Variants in ZNF169 observed in about 807,000 individuals in gnomAD.
ZNF169 encodes the protein zinc finger protein 169.
Under a neutral mutation model 12.0 loss-of-function variants are expected in ZNF169, and 11 were observed. The ratio of observed to expected loss-of-function variants is 0.92; its 90% CI spans 0.58 to 1.52. ZNF169 has a LOEUF of 1.52. Ranked by LOEUF, ZNF169 falls within the 40% of genes most tolerant of loss-of-function variation. ZNF169 has a pLI of 0.00. For missense variants in ZNF169, 722 were observed against 744.0 expected, an observed-to-expected ratio of 0.97 and a Z score of 0.34; for synonymous variants, 302 against 286.5, an observed-to-expected ratio of 1.05 and a Z score of -0.55.
intron 1 of ZNF169, among the ~76,000 whole-genome samples, chr9:94,274,801 G>T (rs1198216578): frequency 6.6e-6 from 1 of 152,190 alleles, no homozygotes; most frequent in Non-Finnish European, 1.5e-5. Context: ...GTTTGGTTCA[G>T]AAAGGGCAAA....
At chr9:94,286,705 G>A (rs1830725142) in intron 2 of ZNF169, among the ~76,000 whole-genome samples, 1 of 152,168 alleles carries the variant, frequency 6.6e-6, no homozygotes, top group Non-Finnish European at 1.5e-5. Context: ...TCTGAGTGTT[G>A]TCATCATGTG....
chr9:94,293,397 C>G (rs1165179030), intron 4 of ZNF169: 1 of 598,950 alleles, frequency 1.7e-6, no homozygotes, highest in Admixed American at 3.0e-5. Context: ...AGACTAAGTC[C>G]CTGCCCCTGG....
At chr9:94,293,357 C>T (rs1830887328) in intron 4 of ZNF169, 1 of 596,634 alleles carries the variant, frequency 1.7e-6, no homozygotes, top group Non-Finnish European at 3.0e-6. Context: ...ATGTGGTTGG[C>T]ATGATCTTCA....
chr9:94,280,764 A>G (rs1048372162), intron 2 of ZNF169, among the ~76,000 whole-genome samples: 1 of 152,060 alleles, frequency 6.6e-6, no homozygotes, highest in Non-Finnish European at 1.5e-5. Flanking sequence ...CCAGTTGGCT[A>G]TTTTAAAGAG....
chr9:94,273,393 A>C (rs1487265803), intron 1 of ZNF169, among the ~76,000 whole-genome samples: 2 of 150,866 alleles, frequency 1.3e-5, no homozygotes, highest in African/African-American at 4.9e-5. Context: ...ACACCCTTTG[A>C]CTTTTTAATT....
chr9:94,279,487 G>A (rs796304664), intron 2 of ZNF169, among the ~76,000 whole-genome samples: 18 of 151,558 alleles, frequency 1.2e-4, no homozygotes, highest in African/African-American at 3.9e-4. Context: ...AGACTGCTGT[G>A]AAAATGGCGC....
At chr9:94,265,697 G>A (rs1830280134) in intron 1 of ZNF169, among the ~76,000 whole-genome samples, 1 of 152,002 alleles carries the variant, frequency 6.6e-6, no homozygotes, top group Admixed American at 6.5e-5. Flanking sequence ...CTATAACTAA[G>A]GTCTGAGTCC....
At chr9:94,272,316 A>G (rs1042700859) in intron 1 of ZNF169, among the ~76,000 whole-genome samples, 1 of 152,128 alleles carries the variant, frequency 6.6e-6, no homozygotes, top group Non-Finnish European at 1.5e-5. Flanking sequence ...ACCACGTAAC[A>G]TATATTTATC....
At chr9:94,259,865 G>A (rs145662986) in intron 1 of ZNF169, among the ~76,000 whole-genome samples, 25 of 151,908 alleles carry the variant, frequency 1.6e-4, no homozygotes, top group Non-Finnish European at 2.7e-4. Flanking sequence ...GGCATCAGTC[G>A]GGTTGTTTAT....
chr9:94,273,579 C>CTTTTTTTTTT (rs56165942), intron 1 of ZNF169, among the ~76,000 whole-genome samples: 4 of 119,168 alleles, frequency 3.4e-5, no homozygotes, highest in African/African-American at 6.3e-5. Flanking sequence ...TTCTTTCTTT[C>CTTTTTTTTTT]TTTTTTTTTT....
intron 1 of ZNF169, among the ~76,000 whole-genome samples, chr9:94,265,026 T>G (rs1371938197): frequency 6.8e-6 from 1 of 148,088 alleles, no homozygotes; most frequent in African/African-American, 2.5e-5. Context: ...ACCCTGTTTT[T>G]TTTTTTTTTT....
rs118170090 is a variant in ZNF169, at chr9:94,282,486, A to G, written c.33+3641A>G. 8.7e-4 allele frequency among the ~76,000 whole-genome samples: 133 copies of G among 152,336 alleles called. 1 individual carries two copies. The East Asian group carries it at 0.022, about 25-fold the overall frequency. ...GAACAAGAGGGGTTCCAGGTTACAG[A>G]TACGTGAGAGGGACAGTTACATTCT... is the stretch of plus-strand genomic sequence containing the variant. On this transcript the variant is annotated intron_variant, in intron 2 of 4. Transcript: ENST00000395395.
chr9:94,261,298 C>T (rs963235009), intron 1 of ZNF169, among the ~76,000 whole-genome samples: 3 of 152,106 alleles, frequency 2.0e-5, no homozygotes, highest in Non-Finnish European at 4.4e-5. Flanking sequence ...GCTGGGATTT[C>T]AGGCGTGAGC....
At chr9:94,275,672 A>G (rs796536657) in intron 1 of ZNF169, among the ~76,000 whole-genome samples, 20 of 151,886 alleles carry the variant, frequency 1.3e-4, no homozygotes, top group African/African-American at 4.1e-4. Flanking sequence ...TTATCTTATC[A>G]GTGATGTAAA....
At chr9:94,270,278 TTCTG>T (rs1283006811) in intron 1 of ZNF169, among the ~76,000 whole-genome samples, 1 of 152,170 alleles carries the variant, frequency 6.6e-6, no homozygotes, top group Non-Finnish European at 1.5e-5. Context: ...CACTGCTATT[TTCTG>T]TCTTTTACCT....
intron 4 of ZNF169, chr9:94,293,901 A>T (rs3131910): frequency 6.6e-6 from 1 of 152,054 alleles, no homozygotes; most frequent in Admixed American, 6.6e-5. Context: ...ACCAGGTAAT[A>T]GCCCCATACT....
chr9:94,261,597 T>C (rs913414050), intron 1 of ZNF169, among the ~76,000 whole-genome samples: 16 of 152,140 alleles, frequency 1.1e-4, no homozygotes, highest in Admixed American at 3.9e-4. Context: ...TGGATCTCTT[T>C]GGAAATTGTC....
At position 94,298,594 on chromosome 9, in the gene ZNF169, G is replaced by A. The variant is rs555048645; in HGVS notation, c.257-1221G>A. 1.2e-4 allele frequency among the ~76,000 whole-genome samples: 18 copies of A among 151,972 alleles called. No homozygotes were observed. In the East Asian group the frequency reaches 2.1e-3, roughly 18 times the overall value. On this transcript the variant is annotated intron_variant, in intron 4 of 4. Transcript: ENST00000395395. ...TCTACTAAAAATACAAAACTTAGCC[G>A]GGCATGGTGGTGCACGCCTGTAATC...
chr9:94,278,320 C>T (rs1830561042), intron 1 of ZNF169, among the ~76,000 whole-genome samples: 2 of 152,162 alleles, frequency 1.3e-5, no homozygotes, highest in South Asian at 4.1e-4. Flanking sequence ...TTATGGCCTC[C>T]ACCCTGCTTC....
Sources: allele counts gnomAD v4.1 joint callset (sites outside exome capture counted in the v4.1 genomes callset), GRCh38; gene constraint gnomAD v4.1.1; transcripts MANE v1.5; gene names NCBI Gene and HGNC (gene_info 2026-07-23, HGNC 2026-07-21).